Variants in SPTBN5 observed in about 807,000 individuals in gnomAD.
The protein encoded by SPTBN5 is spectrin beta chain, non-erythrocytic 5.
In SPTBN5, 513 loss-of-function variants were observed where a neutral mutation model predicts 477.6. The observed-to-expected ratio is 1.07, with a 90% CI of 1.00 to 1.16. SPTBN5 has a LOEUF of 1.16. Ranked by LOEUF, SPTBN5 falls within the 50% of genes most tolerant of loss-of-function variation. The pLI is 0.00. For missense variants in SPTBN5, 5,062 were observed against 4,731.8 expected (o/e 1.07, Z -2.05); for synonymous variants, 2,169 against 2,011.7 (o/e 1.08, Z -2.09).
At position 41,852,895 on chromosome 15, in the gene SPTBN5, G is replaced by A. The variant is rs777214710; in HGVS notation, c.10276C>T (p.Arg3426Trp). Reference protein sequence around the residue: ...CAESWGLQKLRQRLEQAEAWL... With the variant: ...CAESWGLQKLWQRLEQAEAWL... ...GCCTCAGCCTGCTCCAGCCTCTGCCGAAGCTTCTGCAGGCCCCAGCTCTCG... is the reference window on the plus strand; with the variant it reads ...GCCTCAGCCTGCTCCAGCCTCTGCCAAAGCTTCTGCAGGCCCCAGCTCTCG... The change falls in exon 60 of 68, where the codon CGG becomes TGG. Residue 3426 changes from arginine to tryptophan, a missense_variant. Physicochemically the swap from Arg to Trp is moderately radical, Grantham distance 101. Transcript: ENST00000320955. 1.3e-5 allele frequency: 21 copies of A among 1,607,634 alleles called. No homozygotes were observed. The highest frequency in any genetic ancestry group is 1.7e-4 in the Middle Eastern group (1 of 6,058).
chr15:41,862,304 G>C lies in SPTBN5; in HGVS notation c.7386-12C>G. 6.3e-7 allele frequency: 1 copy of C among 1,582,140 alleles called. No individual in the cohort carries two copies. The highest frequency in any genetic ancestry group is 1.1e-5 in the South Asian group (1 of 87,710). ...CCAGCGCCTCCCTCCTGCCCACAGC[G>C]CTCATCAGCTAGTCGTCAGGCCTTC... On this transcript the variant is annotated splice_polypyrimidine_tract_variant and intron_variant, in intron 43 of 67. Transcript: ENST00000320955.
Position 41,848,377 on chromosome 15 carries a change from ACACGTCTCCTCTT to A in SPTBN5, c.*226_*238del. On this transcript the variant is annotated 3_prime_UTR_variant, in exon 68 of 68. Transcript: ENST00000320955. ...GGCCTTGCCCACCTGCTCTGCCGTA[ACACGTCTCCTCTT>A]CACCCAGACAGGAATGCAGGGGGAG... 1 of 599,738 alleles carries A rather than the reference ACACGTCTCCTCTT, an allele frequency of 1.7e-6. No homozygotes were observed. The highest frequency in any genetic ancestry group is 2.8e-5 in the Admixed American group (1 of 36,348). The allele number at this position is 599,738 out of a possible 1,614,324, so 37.2% of individuals were successfully genotyped here. A position where few individuals can be genotyped will look rare whatever the true frequency, so the allele number is the denominator to read the frequency against.
intron 35 of SPTBN5, 87 bp from the exon 36 acceptor site, chr15:41,867,213 G>T (rs1035030003): frequency 2.1e-6 from 3 of 1,395,964 alleles, no homozygotes; most frequent in African/African-American, 2.9e-5. Context: ...TTCTTTGAGG[G>T]CCCCGGAGCC....
chr15:41,848,472 G>T lies in SPTBN5; in HGVS notation c.*144C>A. On this transcript the variant is annotated 3_prime_UTR_variant, in exon 68 of 68. Coordinates refer to ENST00000320955, the MANE Select transcript of SPTBN5 (RefSeq NM_016642.4). ...AGGACCCATCTAACCAGAAGGAACT[G>T]TCTATTCCAGAAGCTGGGCCTGGGG... The T allele has an allele frequency of 1.1e-6, 1 of 934,350 alleles. No homozygotes were observed. The highest frequency in any genetic ancestry group is 1.8e-6 in the Non-Finnish European group (1 of 568,346). 57.9% of individuals were successfully genotyped at this position (934,350 alleles called of 1,614,324 possible). A position where few individuals can be genotyped will look rare whatever the true frequency, so the allele number is the denominator to read the frequency against.
rs745823626 is a variant in SPTBN5 at position 41,888,093 on chromosome 15, GA to G, written c.502-9del. On this transcript the variant is annotated splice_polypyrimidine_tract_variant and intron_variant, in intron 4 of 67. Transcript: ENST00000320955. Reference sequence around the variant, plus strand: ...GCTGGCCCCAAACTCCTCCTGGCGGGACAGGGCAGCAGGGTCACCATGCGGG... The same window carrying G: ...GCTGGCCCCAAACTCCTCCTGGCGGGCAGGGCAGCAGGGTCACCATGCGGG... 70 of 1,562,500 alleles carry G rather than the reference GA, an allele frequency of 4.5e-5. No homozygotes were observed. The highest frequency in any genetic ancestry group is 3.4e-4 in the Middle Eastern group (2 of 5,810).
At chr15:41,856,285 G>T in intron 53 of SPTBN5, 101 bp downstream of exon 53, 1 of 1,095,864 alleles carries the variant, frequency 9.1e-7, no homozygotes, top group South Asian at 1.7e-5. Flanking sequence ...GAGTGGAGGA[G>T]ACGAAAGGTG....
rs761182364 is a variant in SPTBN5, at chr15:41,871,890, C to T, written c.5193G>A (p.Arg1731=). 1.1e-5 allele frequency: 18 copies of T among 1,584,910 alleles called. No individual in the cohort carries two copies. In the African/African-American group the frequency reaches 2.3e-4, roughly 20 times the overall value. ...TRDRELEGTL[R]LHEFLREAED... is the part of the protein sequence containing the mutation. ...CAGCCTCCCTCAGGAACTCATGCAG[C>T]CTCAGGGTCCCCTCCAGTTCCCGGT... The change falls in exon 28 of 68, where the codon AGG becomes AGA. Residue 1731 remains arginine, a synonymous_variant. Coordinates refer to ENST00000320955, the MANE Select transcript of SPTBN5 (RefSeq NM_016642.4).
intron 7 of SPTBN5, among the ~76,000 whole-genome samples, chr15:41,884,655 C>T (rs1033064965): frequency 9.2e-5 from 14 of 152,142 alleles, no homozygotes; most frequent in Admixed American, 2.0e-4. Flanking sequence ...TTGTGTCACT[C>T]GTCTGCTCCA....
At position 41,881,937 on chromosome 15, in the gene SPTBN5, G is replaced by T; in HGVS notation, c.2456C>A (p.Thr819Lys). ...GCCCTTCCCTGTCCCCGTCCTCACC[G>T]TGAATAACGACGCCCGGGCCGAGGC... ...RAASARASLFTVNSALSPPGE... is the reference protein window; with the variant it reads ...RAASARASLFKVNSALSPPGE... Residue 819 changes from threonine to lysine, a missense_variant and splice_region_variant, in exon 12 of 68, where the codon ACG becomes AAG. By Grantham distance (78) the Thr-to-Lys change is moderately conservative. Coordinates refer to ENST00000320955, the MANE Select transcript of SPTBN5 (RefSeq NM_016642.4). The T allele has an allele frequency of 1.3e-6, 2 of 1,528,104 alleles. No individual in the cohort carries two copies. The highest frequency in any genetic ancestry group is 2.4e-5 in the South Asian group (2 of 83,556). The allele number at this position is 1,528,104 out of a possible 1,614,324, so 94.7% of individuals were successfully genotyped here.
At chr15:41,892,595 C>T (rs534743617) in intron 3 of SPTBN5, among the ~76,000 whole-genome samples, 1 of 152,356 alleles carries the variant, frequency 6.6e-6, no homozygotes, top group South Asian at 2.1e-4. Context: ...TAAGAGAACG[C>T]TAAGATTCTT....
chr15:41,882,958 G>C, intron 9 of SPTBN5, 38 bp downstream of exon 9: 1 of 1,515,684 alleles, frequency 6.6e-7, no homozygotes, highest in East Asian at 2.5e-5. Context: ...TTACAGAAAA[G>C]TTCTGGGAAA....
Position 41,874,439 on chromosome 15 carries a change from C to T in SPTBN5, c.4542G>A (p.Leu1514=), listed in dbSNP as rs1398340421. The change falls in exon 24 of 68, where the codon CTG becomes CTA. Residue 1514 remains leucine, a synonymous_variant. Transcript: ENST00000320955. The stretch of plus-strand genomic sequence containing the variant: ...GCAGCTCCACTGAGGCCTGCAGCTG[C>T]AGGCCCCGGATGGCCAGATGCCCCT... ...LLQGHLAIRG[L]QLQASVELHQ... is the part of the protein sequence containing the mutation. 1 of 1,612,366 alleles carries T rather than the reference C, an allele frequency of 6.2e-7. No homozygotes were observed. Among genetic ancestry groups the T allele is most frequent in the Non-Finnish European group, 8.5e-7 (1 of 1,179,504 alleles).
In SPTBN5 at chr15:41,853,717, T is replaced by G. The variant is rs2065848854; in HGVS notation, c.9845A>C (p.His3282Pro). The change falls in exon 58 of 68, where the codon CAT (histidine) becomes CCT (proline). Residue 3282 changes from histidine to proline, a missense_variant. Coordinates refer to ENST00000320955, the MANE Select transcript of SPTBN5 (RefSeq NM_016642.4). ...GGCCAGGCCCCCCGGAGCTGCAGGA[T>G]GTAGCTGGCCCAGTCGGCAGGCCTC... The part of the protein sequence containing the change: ...QTEACRLGQL[H>P]PAAPGGLAKV... The G allele has an allele frequency of 1.9e-6, 3 of 1,594,668 alleles. No homozygotes were observed. The highest frequency in any genetic ancestry group is 2.6e-6 in the Non-Finnish European group (3 of 1,171,354).
intron 51 of SPTBN5, 56 bp downstream of exon 51, chr15:41,857,182 G>T: frequency 6.5e-7 from 1 of 1,544,118 alleles, no homozygotes; most frequent in South Asian, 1.2e-5. Flanking sequence ...GAGGGCAGGG[G>T]TGGGGGTCCC....
At chr15:41,852,604 C>T (rs377196982) in intron 61 of SPTBN5, 30 bp downstream of exon 61, 1 of 1,599,358 alleles carries the variant, frequency 6.3e-7, no homozygotes, top group East Asian at 2.2e-5. Context: ...CCCCCACCAG[C>T]CCTCAGCCCC....
chr15:41,865,958 G>C, intron 38 of SPTBN5, 55 bp from the exon 39 acceptor site: 1 of 1,545,728 alleles, frequency 6.5e-7, no homozygotes, highest in African/African-American at 1.4e-5. Context: ...CAGGCTCCTG[G>C]CACCTGCTGC....
At chr15:41,861,164 G>A (rs984850310) in intron 46 of SPTBN5, among the ~76,000 whole-genome samples, 2 of 152,220 alleles carry the variant, frequency 1.3e-5, no homozygotes, top group African/African-American at 4.8e-5. Context: ...GGGGTGAGGT[G>A]GCAAGAATGG....
rs756219074 is a variant in SPTBN5 at position 41,888,053 on chromosome 15, G to A, written c.534C>T (p.Ser178=). 1.8e-5 allele frequency: 29 copies of A among 1,579,852 alleles called. No individual in the cohort carries two copies. The African/African-American group carries it at 3.6e-4, about 20-fold the overall frequency. ...EEFGASAALL[S]TKEALLVWCQ... The stretch of plus-strand genomic sequence containing the variant: ...ACCAGACCAGCAGGGCTTCCTTGGT[G>A]GACAGCAGGGCTGCGCTGGCCCCAA... The change falls in exon 5 of 68, where the codon TCC becomes TCT. Residue 178 remains serine (S), a synonymous_variant. Coordinates refer to ENST00000320955, the MANE Select transcript of SPTBN5 (RefSeq NM_016642.4).
intron 13 of SPTBN5, among the ~76,000 whole-genome samples, 184 bp from the exon 14 acceptor site, chr15:41,880,496 G>T (rs1212462009): frequency 6.6e-6 from 1 of 152,236 alleles, no homozygotes; most frequent in South Asian, 2.1e-4. Context: ...GGCACCACCT[G>T]GAGGGAGATG....
Sources: allele counts gnomAD v4.1 joint callset (sites outside exome capture counted in the v4.1 genomes callset), GRCh38; gene constraint gnomAD v4.1.1; transcripts MANE v1.5; gene names NCBI Gene and HGNC (gene_info 2026-07-23, HGNC 2026-07-21).